Variants in ISG20 observed in about 807,000 individuals in gnomAD.
ISG20 encodes the protein interferon-stimulated gene 20 kDa protein.
A neutral mutation model predicts 11.1 loss-of-function variants in ISG20; 8 were observed. That is an observed-to-expected ratio of 0.72 (90% CI 0.42 to 1.30). The LOEUF (loss-of-function observed/expected upper bound fraction) is 1.30. Ranked by LOEUF, ISG20 falls within the 50% of genes most tolerant of loss-of-function variation. The pLI is 0.01. For synonymous variants in ISG20, 110 were observed against 101.7 expected (o/e 1.08, Z -0.49); for missense variants, 243 against 250.2 (o/e 0.97, Z 0.19).
chr15:88,639,177 G>A lies in ISG20; in HGVS notation c.-25+101G>A, dbSNP rs959520998. 1.3e-5 allele frequency: 8 copies of A among 602,840 alleles called. No homozygotes were observed. The highest frequency in any genetic ancestry group is 2.1e-5 in the Non-Finnish European group (7 of 339,624). The allele number at this position is 602,840 out of a possible 1,614,324, so 37.3% of individuals were successfully genotyped here. A position where few individuals can be genotyped will look rare whatever the true frequency, so the allele number is the denominator to read the frequency against. Reference sequence around the variant, plus strand: ...CCAGAGGCCCTGGGACACACGGGCAGGGTAAGGCAGGGGATGGGGGAGGCA... The same window carrying A: ...CCAGAGGCCCTGGGACACACGGGCAAGGTAAGGCAGGGGATGGGGGAGGCA... On this transcript the variant is annotated intron_variant, in intron 1 of 3. Transcript: ENST00000306072. The surrounding 1 kb of genome is among the most constrained non-coding windows in gnomAD (Gnocchi z 4.2).
At chr15:88,651,643 A>T (rs972056195) in intron 2 of ISG20, 1 of 325,042 alleles carries the variant, frequency 3.1e-6, no homozygotes, top group Admixed American at 5.5e-5. Context: ...CCCCATTTGA[A>T]GGTCGACTGA....
Position 88,650,244 on chromosome 15 carries a change from C to T in ISG20, c.229-1866C>T. 6.5e-7 allele frequency: 1 copy of T among 1,535,702 alleles called. No individual in the cohort carries two copies. ...TCTGTTCTATTTTCAGGTCCCCTTC[C>T]CATCCTCTCCAACGGCAGCTGAGTG... On this transcript the variant is annotated intron_variant, in intron 2 of 3. Coordinates refer to ENST00000306072, the MANE Select transcript of ISG20 (RefSeq NM_002201.6). The surrounding 1 kb of genome is among the most constrained non-coding windows in gnomAD (Gnocchi z 4.0).
At chr15:88,642,126 G>T (rs559799297) in intron 2 of ISG20, among the ~76,000 whole-genome samples, 1 of 151,710 alleles carries the variant, frequency 6.6e-6, no homozygotes, top group East Asian at 1.9e-4. Flanking sequence ...ACGGGGTTTC[G>T]CCCTGTTGCC....
intron 2 of ISG20, among the ~76,000 whole-genome samples, chr15:88,642,656 G>A (rs993307484): frequency 7.2e-5 from 11 of 152,152 alleles, no homozygotes; most frequent in African/African-American, 1.9e-4. Flanking sequence ...TCGCTCTATC[G>A]CCCAGGCTGG....
Position 88,639,642 on chromosome 15 carries a change from C to T in ISG20, c.228+48C>T, listed in dbSNP as rs1226079134. On this transcript the variant is annotated intron_variant, in intron 2 of 3. Transcript: ENST00000306072. The surrounding 1 kb of genome is among the most constrained non-coding windows in gnomAD (Gnocchi z 4.2). ...GGGGCTTTGGAAATAACCCCTCTCC[C>T]ACTTCCCTGGCCCCTCTTCCCTGGT... is the stretch of plus-strand genomic sequence containing the variant. The T allele has an allele frequency of 6.9e-7, 1 of 1,455,488 alleles. No individual in the cohort carries two copies. Among genetic ancestry groups the T allele is most frequent in the East Asian group, 2.3e-5 (1 of 43,982 alleles). 90.2% of individuals were successfully genotyped at this position (1,455,488 alleles called of 1,614,324 possible).
chr15:88,655,394 A>C (rs1567126104), intron 3 of ISG20, 21 bp from the exon 4 acceptor site: 2 of 1,608,006 alleles, frequency 1.2e-6, no homozygotes, highest in Non-Finnish European at 1.7e-6. Context: ...CCAAGTCCCC[A>C]CTCTATACTT....
chr15:88,649,984 T>C lies in ISG20; in HGVS notation c.229-2126T>C, dbSNP rs2058246433. The C allele has an allele frequency of 6.0e-6, 3 of 503,956 alleles. No individual in the cohort carries two copies. The South Asian group carries it at 6.3e-5, about 11-fold the overall frequency. The allele number at this position is 503,956 out of a possible 1,614,324, so 31.2% of individuals were successfully genotyped here. On this transcript the variant is annotated intron_variant, in intron 2 of 3. Coordinates refer to ENST00000306072, the MANE Select transcript of ISG20 (RefSeq NM_002201.6). ...ATCTCCTCTCTGAGCCTCAGTCTCC[T>C]GTGGTTGCCAGGGGAGAACATGTAA...
chr15:88,651,935 G>T, intron 2 of ISG20, 175 bp from the exon 3 acceptor site: 1 of 1,433,650 alleles, frequency 7.0e-7, no homozygotes. Flanking sequence ...CAGGTGTGAG[G>T]AGGGTCCTAG....
intron 2 of ISG20, among the ~76,000 whole-genome samples, chr15:88,644,642 G>A (rs765346438): frequency 1.8e-4 from 27 of 152,134 alleles, no homozygotes; most frequent in Non-Finnish European, 3.7e-4. Context: ...TGAAGAAAAC[G>A]TTAGGAAAGG....
rs2058371819 is a variant in ISG20, at chr15:88,656,148, C to T, written c.*617C>T. 6.6e-6 allele frequency: 1 copy of T among 152,222 alleles called. No individual in the cohort carries two copies. The highest frequency in any genetic ancestry group is 2.1e-4 in the South Asian group (1 of 4,836). The allele number at this position is 152,222 out of a possible 1,614,324, so 9.4% of individuals were successfully genotyped here. On this transcript the variant is annotated 3_prime_UTR_variant, in exon 4 of 4. Transcript: ENST00000306072. ...GGTGGTTTACTGAACTTCTCAGTTTCTCCATCTGTAAAATGAGAATTCTAG... is the reference window on the plus strand; with the variant it reads ...GGTGGTTTACTGAACTTCTCAGTTTTTCCATCTGTAAAATGAGAATTCTAG...
At position 88,639,133 on chromosome 15, in the gene ISG20, C is replaced by G. The variant is rs1483944469; in HGVS notation, c.-25+57C>G. The G allele has an allele frequency of 3.2e-5, 18 of 567,002 alleles. No homozygotes were observed. The highest frequency in any genetic ancestry group is 9.3e-4 in the Middle Eastern group (2 of 2,160). 35.1% of individuals were successfully genotyped at this position (567,002 alleles called of 1,614,324 possible). A position where few individuals can be genotyped will look rare whatever the true frequency, so the allele number is the denominator to read the frequency against. On this transcript the variant is annotated intron_variant, in intron 1 of 3. Coordinates refer to ENST00000306072, the MANE Select transcript of ISG20 (RefSeq NM_002201.6). This position sits in a 1 kb window ranked among gnomAD's most constrained non-coding sequence, Gnocchi z 4.2. ...AGGCAGCGGGAGGGGCCTTCCCGGT[C>G]CCCAGGCTGCGGGGCAGGCCAGAGG...
At chr15:88,646,472 T>C (rs760148054) in intron 2 of ISG20, among the ~76,000 whole-genome samples, 2 of 152,126 alleles carry the variant, frequency 1.3e-5, no homozygotes, top group African/African-American at 2.4e-5. Flanking sequence ...GTCCAATGTA[T>C]GTAAGGGGCG....
At position 88,653,699 on chromosome 15, in the gene ISG20, A is replaced by C. The variant is rs1343866897; in HGVS notation, c.429+1389A>C. Among the ~76,000 whole-genome samples the C allele has an allele frequency of 7.2e-5, 11 of 151,946 alleles. No homozygotes were observed. The South Asian group carries it at 1.0e-3, about 14-fold the overall frequency. On this transcript the variant is annotated intron_variant, in intron 3 of 3. Transcript: ENST00000306072. ...CTCCTGCCTGCACTGATGCCCCTAGAAACCAGCCCTCCCGCCCGCCCCCGC... is the reference window on the plus strand; with the variant it reads ...CTCCTGCCTGCACTGATGCCCCTAGCAACCAGCCCTCCCGCCCGCCCCCGC...
intron 3 of ISG20, among the ~76,000 whole-genome samples, chr15:88,653,454 G>A (rs2058321787): frequency 6.6e-6 from 1 of 152,192 alleles, no homozygotes; most frequent in African/African-American, 2.4e-5. Flanking sequence ...GGCAAGAGCT[G>A]TAGGAATCAT....
chr15:88,650,210 G>A lies in ISG20; in HGVS notation c.229-1900G>A, dbSNP rs2058250107. 1 of 1,530,780 alleles carries A rather than the reference G, an allele frequency of 6.5e-7. No individual in the cohort carries two copies. The highest frequency in any genetic ancestry group is 1.2e-5 in the South Asian group (1 of 83,972). The allele number at this position is 1,530,780 out of a possible 1,614,324, so 94.8% of individuals were successfully genotyped here. On this transcript the variant is annotated intron_variant, in intron 2 of 3. Coordinates refer to ENST00000306072, the MANE Select transcript of ISG20 (RefSeq NM_002201.6). The surrounding 1 kb of genome is among the most constrained non-coding windows in gnomAD (Gnocchi z 4.0). Reference sequence around the variant, plus strand: ...CCACGAGCCGCCCCTTTCCCTAATAGAGCTCACATCTGTTCTATTTTCAGG... The same window carrying A: ...CCACGAGCCGCCCCTTTCCCTAATAAAGCTCACATCTGTTCTATTTTCAGG...
At chr15:88,648,167 C>T (rs904519897) in intron 2 of ISG20, 3 of 152,296 alleles carry the variant, frequency 2.0e-5, no homozygotes, top group African/African-American at 7.2e-5. Context: ...TACTCATAGC[C>T]TCCTCTCCTG....
chr15:88,649,473 A>G (rs777348462), intron 2 of ISG20: 5 of 152,276 alleles, frequency 3.3e-5, no homozygotes, highest in Non-Finnish European at 5.9e-5. Flanking sequence ...GAGTTCCTTC[A>G]GGGCTTTGTG....
intron 2 of ISG20, among the ~76,000 whole-genome samples, chr15:88,642,182 G>T (rs2058093331): frequency 1.3e-5 from 2 of 151,948 alleles, no homozygotes; most frequent in African/African-American, 4.8e-5. Context: ...GCCCTCCTTG[G>T]CCTCCCAAAT....
In ISG20 at chr15:88,655,661, C is replaced by T; in HGVS notation, c.*130C>T. 1.6e-6 allele frequency: 1 copy of T among 612,946 alleles called. No individual in the cohort carries two copies. Among genetic ancestry groups the T allele is most frequent in the Non-Finnish European group, 2.8e-6 (1 of 353,330 alleles). The allele number at this position is 612,946 out of a possible 1,614,324, so 38.0% of individuals were successfully genotyped here. A position where few individuals can be genotyped will look rare whatever the true frequency, so the allele number is the denominator to read the frequency against. On this transcript the variant is annotated 3_prime_UTR_variant, in exon 4 of 4. Coordinates refer to ENST00000306072, the MANE Select transcript of ISG20 (RefSeq NM_002201.6). ...ATTTTCTCTACGCCATCACTGGGTC[C>T]TCTTCTTATTCTTCTCTCCAAGCTG... is the stretch of plus-strand genomic sequence containing the variant.
Sources: gnomAD v4.1 joint callset for allele counts (sites outside exome capture counted in the v4.1 genomes callset) on GRCh38, gnomAD v4.1.1 for gene constraint, Gnocchi (gnomAD v3.1) non-coding constraint, MANE v1.5 for transcripts, NCBI Gene and HGNC (gene_info 2026-07-23, HGNC 2026-07-21) for gene names.